The following BAIAP2L1 variants were observed in gnomAD, a reference collection of about 807,000 sequenced individuals.
BAIAP2L1 encodes BAR/IMD domain containing adaptor protein 2 like 1, also known as BAR/IMD domain-containing adapter protein 2-like 1.
Under a neutral mutation model 66.3 loss-of-function variants are expected in BAIAP2L1, and 35 were observed. The observed-to-expected ratio is 0.53, with a 90% confidence interval of 0.40 to 0.70. BAIAP2L1 has a LOEUF of 0.70. Ranked by LOEUF, BAIAP2L1 falls within the 30% of genes least tolerant of loss-of-function variation. BAIAP2L1 has a pLI of 0.00. For synonymous variants in BAIAP2L1, 269 were observed against 248.7 expected, an observed-to-expected ratio of 1.08 and a Z score of -0.77; for missense variants, 622 against 656.9, an observed-to-expected ratio of 0.95 and a Z score of 0.58.
intron 1 of BAIAP2L1, among the ~76,000 whole-genome samples, chr7:98,374,824 G>A (rs1340546343): frequency 6.6e-6 from 1 of 152,154 alleles, no homozygotes; most frequent in South Asian, 2.1e-4. Flanking sequence ...CGTGGCTAAT[G>A]CCTGTAATTC....
In BAIAP2L1 at chr7:98,293,465, C is replaced by G; in HGVS notation, c.*56G>C. The G allele has an allele frequency of 6.6e-7, 1 of 1,521,214 alleles. No individual in the cohort carries two copies. The highest frequency in any genetic ancestry group is 2.3e-4 in the Middle Eastern group (1 of 4,292). 94.2% of individuals were successfully genotyped at this position (1,521,214 alleles called of 1,614,324 possible). On this transcript the variant is annotated 3_prime_UTR_variant, in exon 14 of 14. Transcript: ENST00000005260. ...GTCAGCACGTGGCAGACAGGATGCG[C>G]CCATCATTCCGCAAGGGAGAACCGG...
At chr7:98,384,439 G>A (rs1802836210) in intron 1 of BAIAP2L1, among the ~76,000 whole-genome samples, 1 of 152,120 alleles carries the variant, frequency 6.6e-6, no homozygotes. Flanking sequence ...GCTCTTGCCT[G>A]CCTAGTTACT....
chr7:98,357,049 A>ATATATATTT (rs1406909573), intron 2 of BAIAP2L1, among the ~76,000 whole-genome samples: 1 of 12,620 alleles, frequency 7.9e-5, no homozygotes, highest in African/African-American at 2.8e-4. Flanking sequence ...ATATATATAT[A>ATATATATTT]TTTTTTTTTT....
intron 3 of BAIAP2L1, among the ~76,000 whole-genome samples, chr7:98,353,539 ATATT>A (rs1562781535): frequency 7.3e-6 from 1 of 136,126 alleles, no homozygotes; most frequent in Non-Finnish European, 1.5e-5. Flanking sequence ...AAATATACAT[ATATT>A]TATATTATAA....
intron 1 of BAIAP2L1, chr7:98,385,696 G>C: frequency 1.0e-6 from 1 of 990,652 alleles, no homozygotes; most frequent in South Asian, 1.5e-5. Flanking sequence ...TTATAGGCAG[G>C]AGCCCCCACA....
intron 3 of BAIAP2L1, among the ~76,000 whole-genome samples, chr7:98,321,563 G>A (rs1801248248): frequency 6.6e-6 from 1 of 152,186 alleles, no homozygotes; most frequent in African/African-American, 2.4e-5. Flanking sequence ...TATCTCTGCA[G>A]TGAGTGGCAG....
Position 98,400,815 on chromosome 7 carries a change from T to G in BAIAP2L1, c.38A>C (p.Glu13Ala). 1.9e-6 allele frequency: 3 copies of G among 1,548,056 alleles called. No homozygotes were observed. In the South Asian group the frequency reaches 3.6e-5, roughly 18 times the overall value. ...CCCTGGGCTTACCCGGTAGGTGCTC[T>G]CCGTGAGCCGGTTCACCTCCTCGGG... ...RGPEEVNRLT[E>A]STYRNVMEQF... Residue 13 changes from glutamate to alanine, a missense_variant, in exon 1 of 14, where the codon GAG becomes GCG. By Grantham distance (107) the Glu-to-Ala change is moderately radical (BLOSUM62 -1). Transcript: ENST00000005260.
Position 98,315,651 on chromosome 7 carries a change from G to A in BAIAP2L1, c.487-39C>T, listed in dbSNP as rs757976623. 6.9e-6 allele frequency: 7 copies of A among 1,021,482 alleles called. No homozygotes were observed. The Admixed American group carries it at 2.1e-4, about 31-fold the overall frequency. 63.3% of individuals were successfully genotyped at this position (1,021,482 alleles called of 1,614,324 possible). On this transcript the variant is annotated intron_variant, in intron 6 of 13. Transcript: ENST00000005260. ...AATAATAATAATAATAATTATATAAGCATGACATGAGCATCAGATAGCGTG... is the reference window on the plus strand; with the variant it reads ...AATAATAATAATAATAATTATATAAACATGACATGAGCATCAGATAGCGTG...
intron 3 of BAIAP2L1, among the ~76,000 whole-genome samples, chr7:98,350,720 C>T (rs185420388): frequency 6.6e-6 from 1 of 152,124 alleles, no homozygotes; most frequent in African/African-American, 2.4e-5. Context: ...TACCCTAAGG[C>T]CCCCTACCCC....
intron 3 of BAIAP2L1, among the ~76,000 whole-genome samples, chr7:98,352,876 C>T (rs1802030234): frequency 6.6e-6 from 1 of 152,072 alleles, no homozygotes; most frequent in Non-Finnish European, 1.5e-5. Context: ...ATTAAAAAGG[C>T]AAACTGGGTG....
Position 98,320,100 on chromosome 7 carries a change from A to C in BAIAP2L1, c.306T>G (p.His102Gln). Residue 102 changes from histidine to glutamine, a missense_variant, in exon 5 of 14, where the codon CAT becomes CAG. His to Gln is a conservative substitution (Grantham distance 24, BLOSUM62 0). Coordinates refer to ENST00000005260, the MANE Select transcript of BAIAP2L1 (RefSeq NM_018842.5). Reference protein sequence around the residue: ...NFKKFHKEIIHELEKKIELDV... With the variant: ...NFKKFHKEIIQELEKKIELDV... ...CAAGTTCTATCTTCTTCTCCAGCTC[A>C]TGGATAATCTCTTTGTGGAATTTTT... is the stretch of plus-strand genomic sequence containing the variant. 6.2e-7 allele frequency: 1 copy of C among 1,613,428 alleles called. No homozygotes were observed. Among genetic ancestry groups the C allele is most frequent in the East Asian group, 2.2e-5 (1 of 44,882 alleles).
At chr7:98,350,567 G>A (rs773205626) in intron 3 of BAIAP2L1, among the ~76,000 whole-genome samples, 5 of 152,200 alleles carry the variant, frequency 3.3e-5, no homozygotes, top group Non-Finnish European at 7.3e-5. Flanking sequence ...GCTGAGGCAG[G>A]AGAATTGCTT....
At chr7:98,355,165 G>T in intron 2 of BAIAP2L1, 37 bp from the exon 3 acceptor site, 1 of 1,429,464 alleles carries the variant, frequency 7.0e-7, no homozygotes, top group Non-Finnish European at 9.8e-7. Flanking sequence ...TCGTCACTTA[G>T]ACAAGGAAAG....
chr7:98,328,031 G>A (rs1283551351), intron 3 of BAIAP2L1, among the ~76,000 whole-genome samples: 1 of 151,426 alleles, frequency 6.6e-6, no homozygotes, highest in East Asian at 1.9e-4. Flanking sequence ...TTTTTTTTTG[G>A]AGAATGGGTT....
intron 3 of BAIAP2L1, among the ~76,000 whole-genome samples, chr7:98,329,979 C>T (rs1801456588): frequency 6.6e-6 from 1 of 152,160 alleles, no homozygotes; most frequent in African/African-American, 2.4e-5. Context: ...ACAAGGACAT[C>T]AGAGGAAAAC....
At chr7:98,382,332 G>A (rs1223779476) in intron 1 of BAIAP2L1, among the ~76,000 whole-genome samples, 1 of 152,068 alleles carries the variant, frequency 6.6e-6, no homozygotes, top group Non-Finnish European at 1.5e-5. Context: ...AAAAATAATG[G>A]TCTTTAACCT....
intron 1 of BAIAP2L1, among the ~76,000 whole-genome samples, chr7:98,363,023 TTTTC>T (rs1438321423): frequency 3.6e-4 from 38 of 105,834 alleles, no homozygotes; most frequent in African/African-American, 9.0e-4. Flanking sequence ...CCCTGGCATT[TTTTC>T]TTTTTTTTTT....
chr7:98,357,020 AATATAT>A (rs1554337327), intron 2 of BAIAP2L1, among the ~76,000 whole-genome samples: 8 of 28,098 alleles, frequency 2.8e-4, no homozygotes, highest in African/African-American at 1.9e-3. Context: ...AAAAAAAAAA[AATATAT>A]ATATATATAT....
chr7:98,342,850 A>C (rs1388909439), intron 3 of BAIAP2L1, among the ~76,000 whole-genome samples: 1 of 152,082 alleles, frequency 6.6e-6, no homozygotes, highest in Non-Finnish European at 1.5e-5. Context: ...ATAAAAATAA[A>C]CCTTGCTTGA....
Sources: gnomAD v4.1 joint callset for allele counts (sites outside exome capture counted in the v4.1 genomes callset) on GRCh38, gnomAD v4.1.1 for gene constraint, MANE v1.5 for transcripts, NCBI Gene and HGNC (gene_info 2026-07-23, HGNC 2026-07-21) for gene names.